Variants in DERL1 observed in about 807,000 individuals in gnomAD.
DERL1 encodes derlin 1, also known as derlin-1.
DERL1 carries 24 observed loss-of-function variants against 41.6 expected under a neutral mutation model. That is an observed-to-expected ratio of 0.58 (90% CI 0.42 to 0.81). The LOEUF is 0.81. Ranked by LOEUF, DERL1 falls within the 30% of genes least tolerant of loss-of-function variation. The pLI is 0.00. For missense variants in DERL1, 260 were observed against 314.3 expected (o/e 0.83, Z 1.31); for synonymous variants, 124 against 112.5 (o/e 1.10, Z -0.65).
At chr8:123,041,001 C>G (rs1813048075) in intron 1 of DERL1, among the ~76,000 whole-genome samples, 1 of 152,144 alleles carries the variant, frequency 6.6e-6, no homozygotes, top group African/African-American at 2.4e-5. Context: ...ATTTCAGAAT[C>G]TCCAGTTTAT....
rs111816442 is a variant in DERL1 at position 123,029,880 on chromosome 8, T to C, written c.265+725A>G. ...TTTGAGACCAGCCTGGCCAACAGGG[T>C]AAAACCCCATCTCTACTAAAAATAT... On this transcript the variant is annotated intron_variant, in intron 2 of 7. Transcript: ENST00000259512. Among the ~76,000 whole-genome samples, 205 of 152,072 alleles carry C rather than the reference T, an allele frequency of 1.3e-3. 1 individual carries two copies. Among genetic ancestry groups the C allele is most frequent in the African/African-American group, 4.5e-3 (185 of 41,490 alleles).
At chr8:123,020,415 G>T (rs1305697614) in intron 6 of DERL1, among the ~76,000 whole-genome samples, 1 of 152,112 alleles carries the variant, frequency 6.6e-6, no homozygotes, top group African/African-American at 2.4e-5. Context: ...GGGAAGCAGA[G>T]GTTGCAGTGA....
At chr8:123,040,066 A>C (rs991342071) in intron 1 of DERL1, among the ~76,000 whole-genome samples, 1 of 152,154 alleles carries the variant, frequency 6.6e-6, no homozygotes, top group African/African-American at 2.4e-5. Context: ...AAAATACAAA[A>C]ATTAGCTGGG....
In DERL1 at chr8:123,038,791, T is replaced by C. The variant is rs189135870; in HGVS notation, c.153+3179A>G. On this transcript the variant is annotated intron_variant, in intron 1 of 7. Coordinates refer to ENST00000259512, the MANE Select transcript of DERL1 (RefSeq NM_024295.6). ...ACCAGGGACAAAGTACACAACATTCTCTCAGCCAACAAATATTTAGTAAAG... is the reference window on the plus strand; with the variant it reads ...ACCAGGGACAAAGTACACAACATTCCCTCAGCCAACAAATATTTAGTAAAG... Among the ~76,000 whole-genome samples the C allele has an allele frequency of 1.0e-3, 156 of 152,232 alleles. 1 individual carries two copies. The highest frequency in any genetic ancestry group is 9.0e-3 in the Admixed American group (137 of 15,288).
At chr8:123,020,684 T>G (rs946538941) in intron 6 of DERL1, among the ~76,000 whole-genome samples, 2 of 149,710 alleles carry the variant, frequency 1.3e-5, no homozygotes, top group African/African-American at 4.9e-5. Context: ...GCATGGTGGC[T>G]CATGCCTGAA....
At chr8:123,027,755 G>A (rs571675092) in intron 2 of DERL1, among the ~76,000 whole-genome samples, 2 of 152,096 alleles carry the variant, frequency 1.3e-5, no homozygotes, top group African/African-American at 4.8e-5. Flanking sequence ...GCACAAGAAG[G>A]CAATTAAAAA....
At chr8:123,020,962 G>A (rs765994028) in intron 6 of DERL1, among the ~76,000 whole-genome samples, 4 of 140,020 alleles carry the variant, frequency 2.9e-5, no homozygotes, top group Admixed American at 7.3e-5. Context: ...GTGAAACTTC[G>A]TCTCAAAAAA....
At chr8:123,033,930 T>C (rs1812869698) in intron 1 of DERL1, among the ~76,000 whole-genome samples, 1 of 152,212 alleles carries the variant, frequency 6.6e-6, no homozygotes. Flanking sequence ...TGCTGGCTTT[T>C]GGTGTGAGAG....
rs536391272 is a variant in DERL1 at position 123,018,795 on chromosome 8, G to A, written c.617+400C>T. On this transcript the variant is annotated intron_variant, in intron 7 of 7. Coordinates refer to ENST00000259512, the MANE Select transcript of DERL1 (RefSeq NM_024295.6). ...AATGTTTAAAATTGCTGACCAACAC[G>A]CTAACTTACCCTTCCTTGGGCAAAA... 7.7e-5 allele frequency: 18 copies of A among 233,994 alleles called. 1 individual carries two copies. In the South Asian group the frequency reaches 7.9e-4, roughly 10 times the overall value. The allele number at this position is 233,994 out of a possible 1,614,324, so 14.5% of individuals were successfully genotyped here. A position where few individuals can be genotyped will look rare whatever the true frequency, so the allele number is the denominator to read the frequency against.
rs1396351485 is a variant in DERL1, at chr8:123,036,100, A to C, written c.154-5384T>G. Among the ~76,000 whole-genome samples the C allele has an allele frequency of 2.6e-5, 4 of 152,192 alleles. No homozygotes were observed. The South Asian group carries it at 8.3e-4, about 31-fold the overall frequency. On this transcript the variant is annotated intron_variant, in intron 1 of 7. Transcript: ENST00000259512. ...TTAATCTTTAAAAAGAGCAATTAGA[A>C]GCCATCAAATCTACTCCTAGATATA...
At position 123,041,986 on chromosome 8, in the gene DERL1, A is replaced by C. The variant is rs376163583; in HGVS notation, c.137T>G (p.Phe46Cys). The change falls in exon 1 of 8, where the codon TTC becomes TGC. Residue 46 changes from phenylalanine to cysteine, a missense_variant. By Grantham distance (205) the Phe-to-Cys change is radical. Transcript: ENST00000259512. ...PAYLFLWPEA[F>C]LYRFQIWRPI... ...GGTAAGTACCTGAAAGCGATAAAGG[A>C]AGGCTTCGGGCCAGAGGAAGAGGTA... 54 of 1,612,218 alleles carry C rather than the reference A, an allele frequency of 3.3e-5. No individual in the cohort carries two copies. The African/African-American group carries it at 4.0e-4, about 12-fold the overall frequency.
rs1388978350 is a variant in DERL1 at position 123,013,173 on chromosome 8, G to A, written c.*2274C>T. On this transcript the variant is annotated 3_prime_UTR_variant, in exon 8 of 8. Coordinates refer to ENST00000259512, the MANE Select transcript of DERL1 (RefSeq NM_024295.6). The stretch of plus-strand genomic sequence containing the variant: ...AGATATGACTCCTCACTCAAAGTTA[G>A]CAAGCATCCTCCTTCATTAAAATGA... The A allele has an allele frequency of 6.6e-6, 1 of 152,146 alleles. No homozygotes were observed. Among genetic ancestry groups the A allele is most frequent in the African/African-American group, 2.4e-5 (1 of 41,416 alleles). The allele number at this position is 152,146 out of a possible 1,614,324, so 9.4% of individuals were successfully genotyped here.
rs1813082467 is a variant in DERL1 at position 123,041,882 on chromosome 8, G to A, written c.153+88C>T. Reference sequence around the variant, plus strand: ...CCCACTACAAATCCCAGCAGGCACCGCGCGCCCGCAACATGCCAGCCTACG... The same window carrying A: ...CCCACTACAAATCCCAGCAGGCACCACGCGCCCGCAACATGCCAGCCTACG... On this transcript the variant is annotated intron_variant, in intron 1 of 7. Coordinates refer to ENST00000259512, the MANE Select transcript of DERL1 (RefSeq NM_024295.6). 14 of 1,443,958 alleles carry A rather than the reference G, an allele frequency of 9.7e-6. No individual in the cohort carries two copies. In the South Asian group the frequency reaches 1.9e-4, roughly 19 times the overall value. 89.4% of individuals were successfully genotyped at this position (1,443,958 alleles called of 1,614,324 possible).
rs1356757215 is a variant in DERL1, at chr8:123,042,182, C to G, written c.-60G>C. On this transcript the variant is annotated 5_prime_UTR_variant, in exon 1 of 8. Transcript: ENST00000259512. ...GCCCGACTCCCCGTGCCGACCCCCT[C>G]ACGACGCGGCCGGCTCCGCGACTGT... is the stretch of plus-strand genomic sequence containing the variant. 4 of 1,512,254 alleles carry G rather than the reference C, an allele frequency of 2.6e-6. No individual in the cohort carries two copies. The highest frequency in any genetic ancestry group is 3.6e-6 in the Non-Finnish European group (4 of 1,125,002). 93.7% of individuals were successfully genotyped at this position (1,512,254 alleles called of 1,614,324 possible). A position where few individuals can be genotyped will look rare whatever the true frequency, so the allele number is the denominator to read the frequency against.
At chr8:123,021,046 C>T (rs1303550887) in intron 6 of DERL1, among the ~76,000 whole-genome samples, 1 of 151,648 alleles carries the variant, frequency 6.6e-6, no homozygotes, top group Non-Finnish European at 1.5e-5. Flanking sequence ...ATTTCTATGA[C>T]CGATAGGCAG....
At chr8:123,039,956 G>C (rs912328979) in intron 1 of DERL1, among the ~76,000 whole-genome samples, 2 of 152,198 alleles carry the variant, frequency 1.3e-5, no homozygotes, top group African/African-American at 4.8e-5. Context: ...AGTGGCTCAC[G>C]CCTCTAATCC....
rs185178506 is a variant in DERL1 at position 123,033,692 on chromosome 8, G to A, written c.154-2976C>T. On this transcript the variant is annotated intron_variant, in intron 1 of 7. Transcript: ENST00000259512. ...CAGGAGGCAGAGGTTGCAGTGAGCC[G>A]AGATCACAACACTGCACTCCAGCCT... Among the ~76,000 whole-genome samples, 724 of 152,246 alleles carry A rather than the reference G, an allele frequency of 4.8e-3. 2 individuals are homozygous for A. Among genetic ancestry groups the A allele is most frequent in the Middle Eastern group, 0.031 (9 of 294 alleles).
Position 123,025,032 on chromosome 8 carries a change from G to T in DERL1, c.284C>A (p.Pro95Gln). The T allele has an allele frequency of 6.2e-7, 1 of 1,613,578 alleles. No individual in the cohort carries two copies. The highest frequency in any genetic ancestry group is 8.5e-7 in the Non-Finnish European group (1 of 1,179,820). Reference protein sequence around the residue: ...RLETGAFDGRPADYLFMLLFN... With the variant: ...RLETGAFDGRQADYLFMLLFN... ...GAGGAGCATGAATAAATAGTCTGCT[G>T]GCCTCCCATCAAAAGCTCCTGGAAA... The change falls in exon 3 of 8, where the codon CCA (proline) becomes CAA (glutamine). Residue 95 changes from proline to glutamine, a missense_variant. Physicochemically the swap from Pro to Gln is moderately conservative, Grantham distance 76. Coordinates refer to ENST00000259512, the MANE Select transcript of DERL1 (RefSeq NM_024295.6).
At position 123,022,798 on chromosome 8, in the gene DERL1, T is replaced by A; in HGVS notation, c.358-19A>T. 5 of 1,610,176 alleles carry A rather than the reference T, an allele frequency of 3.1e-6. No individual in the cohort carries two copies. The highest frequency in any genetic ancestry group is 3.4e-6 in the Non-Finnish European group (4 of 1,176,530). ...TCAGCAACTGCAAAAGAAGTCGACA[T>A]GTAAAAACCAGGCTCCAGAGGCACT... On this transcript the variant is annotated intron_variant, in intron 4 of 7. Coordinates refer to ENST00000259512, the MANE Select transcript of DERL1 (RefSeq NM_024295.6).
Sources: allele counts gnomAD v4.1 joint callset (sites outside exome capture counted in the v4.1 genomes callset), GRCh38; gene constraint gnomAD v4.1.1; transcripts MANE v1.5; gene names NCBI Gene and HGNC (gene_info 2026-07-23, HGNC 2026-07-21).